The following SPON1 variants were observed in gnomAD, a reference collection of about 807,000 sequenced individuals.
The protein encoded by SPON1 is spondin 1.
Under a neutral mutation model 111.7 loss-of-function variants are expected in SPON1, and 52 were observed. The observed-to-expected ratio is 0.47, with a 90% CI of 0.37 to 0.59. SPON1 has a LOEUF of 0.59. SPON1 is among the 20% of genes least tolerant of loss of function. SPON1 has a pLI of 0.00. For missense variants in SPON1, 957 were observed against 1,068.5 expected (o/e 0.90, Z 1.46); for synonymous variants, 410 against 395.8 (o/e 1.04, Z -0.43).
intron 5 of SPON1, among the ~76,000 whole-genome samples, chr11:14,120,930 T>C (rs782354953): frequency 3.3e-5 from 5 of 152,178 alleles, no homozygotes; most frequent in Non-Finnish European, 7.3e-5. Flanking sequence ...AGCAAGTATA[T>C]GGTGAAAACA....
intron 7 of SPON1, among the ~76,000 whole-genome samples, chr11:14,246,087 G>A (rs1848986105): frequency 6.6e-6 from 1 of 152,166 alleles, no homozygotes; most frequent in South Asian, 2.1e-4. Context: ...AGTGGGCAGG[G>A]GATGAAAGGC....
At chr11:14,176,618 G>T (rs79965869) in intron 6 of SPON1, among the ~76,000 whole-genome samples, 7,085 of 152,216 alleles carry the variant, frequency 0.047, 526 homozygotes, top group African/African-American at 0.16. Context: ...CCTCAATGGG[G>T]CTACAGACAG....
intron 6 of SPON1, among the ~76,000 whole-genome samples, chr11:14,193,545 AC>A (rs1848369799): frequency 1.3e-5 from 2 of 152,034 alleles, no homozygotes; most frequent in Admixed American, 6.5e-5. Flanking sequence ...ACTTTATGTG[AC>A]CTTAAAGTGC....
At chr11:14,013,940 G>T (rs1034017658) in intron 2 of SPON1, among the ~76,000 whole-genome samples, 1 of 152,314 alleles carries the variant, frequency 6.6e-6, no homozygotes, top group South Asian at 2.1e-4. Flanking sequence ...GAAAAAGAAA[G>T]TCAAAGCCTG....
chr11:14,240,517 T>C (rs11023159), intron 6 of SPON1, among the ~76,000 whole-genome samples: 3,276 of 152,000 alleles, frequency 0.022, 56 homozygotes, highest in Non-Finnish European at 0.035. Flanking sequence ...CATAAATAAA[T>C]GGTAATGTAG....
intron 6 of SPON1, among the ~76,000 whole-genome samples, chr11:14,165,850 A>C (rs1274926059): frequency 5.9e-5 from 9 of 152,338 alleles, no homozygotes; most frequent in African/African-American, 1.7e-4. Flanking sequence ...CAGCAAGAAT[A>C]ATTATTTTTC....
At chr11:14,215,453 G>A (rs1848616915) in intron 6 of SPON1, among the ~76,000 whole-genome samples, 1 of 152,154 alleles carries the variant, frequency 6.6e-6, no homozygotes. Flanking sequence ...GCAGGGACTG[G>A]CAACTGAAGT....
chr11:14,175,160 T>C (rs1305762630), intron 6 of SPON1, among the ~76,000 whole-genome samples: 1 of 152,196 alleles, frequency 6.6e-6, no homozygotes, highest in Non-Finnish European at 1.5e-5. Flanking sequence ...AAGCCTTAGC[T>C]ACTGAGCTGT....
chr11:14,168,216 T>G (rs1379231583), intron 6 of SPON1, among the ~76,000 whole-genome samples: 1 of 152,196 alleles, frequency 6.6e-6, no homozygotes, highest in East Asian at 1.9e-4. Flanking sequence ...GTCAAACAGT[T>G]TGACCTTAAA....
At chr11:14,103,050 G>T (rs1554924544) in intron 5 of SPON1, among the ~76,000 whole-genome samples, 2 of 152,042 alleles carry the variant, frequency 1.3e-5, no homozygotes, top group Non-Finnish European at 2.9e-5. Context: ...TAAATGTTCT[G>T]CCTGGTAGTG....
chr11:14,143,561 CAAA>C (rs11343993), intron 6 of SPON1, among the ~76,000 whole-genome samples: 1 of 137,888 alleles, frequency 7.3e-6, no homozygotes, highest in Non-Finnish European at 1.6e-5. Context: ...ACCCTGTTTC[CAAA>C]AAAAAAAAAA....
chr11:14,116,248 C>T (rs1849265975), intron 5 of SPON1, among the ~76,000 whole-genome samples: 1 of 151,904 alleles, frequency 6.6e-6, no homozygotes, highest in African/African-American at 2.4e-5. Flanking sequence ...AAATGTGGTC[C>T]ACATTATCTT....
chr11:14,189,522 A>C (rs1554934366), intron 6 of SPON1, among the ~76,000 whole-genome samples: 2 of 152,100 alleles, frequency 1.3e-5, no homozygotes, highest in African/African-American at 4.8e-5. Flanking sequence ...GTTCTCTCCA[A>C]GCTTGGCAGT....
chr11:14,207,599 C>T (rs1032696390), intron 6 of SPON1, among the ~76,000 whole-genome samples: 12 of 151,998 alleles, frequency 7.9e-5, no homozygotes, highest in Admixed American at 5.9e-4. Flanking sequence ...GACTAACAAC[C>T]ATATGAAAAA....
In SPON1 at chr11:14,228,919, AT is replaced by A; in HGVS notation, c.826-14412del. Among the ~76,000 whole-genome samples the A allele has an allele frequency of 6.6e-6, 1 of 152,314 alleles. No homozygotes were observed. Among genetic ancestry groups the A allele is most frequent in the Non-Finnish European group, 1.5e-5 (1 of 68,026 alleles). ...TATTCTCACAAAAATATAAATATAA[AT>A]GTTTAAATTCCCACAGAGAACTAAG... On this transcript the variant is annotated intron_variant, in intron 6 of 15. Coordinates refer to ENST00000576479, the MANE Select transcript of SPON1 (RefSeq NM_006108.4). This position sits in a 1 kb window ranked among gnomAD's most constrained non-coding sequence, Gnocchi z 4.2.
At chr11:14,080,152 C>A in intron 5 of SPON1, 131 bp downstream of exon 5, 1 of 992,488 alleles carries the variant, frequency 1.0e-6, no homozygotes, top group Non-Finnish European at 1.5e-6. Context: ...ATGCACAATC[C>A]AAGTATGTAT....
At chr11:14,089,392 C>G (rs781852265) in intron 5 of SPON1, among the ~76,000 whole-genome samples, 6 of 152,198 alleles carry the variant, frequency 3.9e-5, no homozygotes, top group African/African-American at 1.4e-4. Context: ...TCAGGCTCCT[C>G]TTCTGCAGGT....
At chr11:13,963,388 G>GTTCCC (rs1166021310) in intron 1 of SPON1, among the ~76,000 whole-genome samples, 1 of 152,204 alleles carries the variant, frequency 6.6e-6, no homozygotes, top group Non-Finnish European at 1.5e-5. Flanking sequence ...CCGACGCGCG[G>GTTCCC]TTCCCAGGCG....
intron 2 of SPON1, among the ~76,000 whole-genome samples, chr11:13,984,336 C>G (rs1170249662): frequency 6.6e-6 from 1 of 152,092 alleles, no homozygotes; most frequent in Non-Finnish European, 1.5e-5. Context: ...TTGTGTTTCT[C>G]TAACAAAACA....
Sources: allele counts gnomAD v4.1 joint callset (sites outside exome capture counted in the v4.1 genomes callset), GRCh38; gene constraint gnomAD v4.1.1; non-coding constraint Gnocchi (gnomAD v3.1); transcripts MANE v1.5; gene names NCBI Gene and HGNC (gene_info 2026-07-23, HGNC 2026-07-21).